Variants in MED27 observed in about 807,000 individuals in gnomAD.
The protein encoded by MED27 is mediator of RNA polymerase II transcription subunit 27.
MED27 carries 30 observed loss-of-function variants against 38.2 expected under a neutral mutation model. That is an observed-to-expected ratio of 0.79 (90% CI 0.59 to 1.07). The LOEUF is 1.07. Ranked by LOEUF, MED27 falls within the 50% of genes least tolerant of loss-of-function variation. The pLI, the probability that MED27 is intolerant of heterozygous loss-of-function variation, is 0.00. For synonymous variants in MED27, 122 were observed against 153.5 expected (o/e 0.79, Z 1.52); for missense variants, 289 against 397.5 (o/e 0.73, Z 2.32).
At chr9:131,994,538 G>A (rs929891818) in intron 3 of MED27, among the ~76,000 whole-genome samples, 1 of 152,234 alleles carries the variant, frequency 6.6e-6, no homozygotes, top group African/African-American at 2.4e-5. Flanking sequence ...GAATCCTGGA[G>A]GACTGCAGAC....
chr9:132,030,554 TACTAGAG>T, intron 2 of MED27, among the ~76,000 whole-genome samples: 1 of 152,330 alleles, frequency 6.6e-6, no homozygotes, highest in South Asian at 2.1e-4. Flanking sequence ...TTAGAAAGCA[TACTAGAG>T]ACCCAGAGAC....
intron 3 of MED27, among the ~76,000 whole-genome samples, chr9:131,943,159 T>C (rs1231614331): frequency 2.6e-5 from 4 of 152,160 alleles, no homozygotes; most frequent in African/African-American, 9.7e-5. Flanking sequence ...ACAGGTGACA[T>C]TATGTATTTG....
chr9:131,986,624 G>A (rs143745638), intron 3 of MED27, among the ~76,000 whole-genome samples: 102 of 152,274 alleles, frequency 6.7e-4, no homozygotes, highest in African/African-American at 2.4e-3. Flanking sequence ...TGTAGCCTAG[G>A]AGTAACAGGC....
At chr9:131,986,658 C>T (rs1325548467) in intron 3 of MED27, among the ~76,000 whole-genome samples, 1 of 152,114 alleles carries the variant, frequency 6.6e-6, no homozygotes, top group Admixed American at 6.5e-5. Flanking sequence ...CTAGGTGTGC[C>T]GTGGGTTCTA....
At chr9:132,065,020 T>G (rs1156845518) in intron 2 of MED27, among the ~76,000 whole-genome samples, 1 of 152,118 alleles carries the variant, frequency 6.6e-6, no homozygotes, top group African/African-American at 2.4e-5. Context: ...GAACAGCAAC[T>G]GGAATATAGA....
intron 2 of MED27, among the ~76,000 whole-genome samples, chr9:132,054,629 C>T (rs2131141492): frequency 6.6e-6 from 1 of 152,164 alleles, no homozygotes; most frequent in Admixed American, 6.5e-5. Flanking sequence ...TGCCAGGTCT[C>T]AAACTCCTGG....
At chr9:131,935,167 AG>A (rs1362347111) in intron 4 of MED27, among the ~76,000 whole-genome samples, 1 of 152,238 alleles carries the variant, frequency 6.6e-6, no homozygotes, top group Admixed American at 6.5e-5. Context: ...ATAGCACAAC[AG>A]GGTGACTACA....
chr9:132,022,966 T>G (rs1045731898), intron 2 of MED27, among the ~76,000 whole-genome samples: 1 of 151,986 alleles, frequency 6.6e-6, no homozygotes, highest in Non-Finnish European at 1.5e-5. Context: ...CAATTAGAGA[T>G]GAGATTTGGG....
At chr9:132,028,502 A>C (rs1832876434) in intron 2 of MED27, among the ~76,000 whole-genome samples, 1 of 149,516 alleles carries the variant, frequency 6.7e-6, no homozygotes, top group African/African-American at 2.4e-5. Context: ...TGAATGAACA[A>C]ATAAATTAAA....
chr9:132,054,233 C>T (rs756395429), intron 2 of MED27, among the ~76,000 whole-genome samples: 5 of 152,000 alleles, frequency 3.3e-5, no homozygotes, highest in African/African-American at 7.3e-5. Context: ...GCCATATTGA[C>T]GTCTCCTTTA....
At chr9:131,914,283 T>A (rs1194602600) in intron 4 of MED27, among the ~76,000 whole-genome samples, 1 of 152,194 alleles carries the variant, frequency 6.6e-6, no homozygotes, top group Non-Finnish European at 1.5e-5. Context: ...CATCCAGTAA[T>A]GGGAAGCCAT....
intron 6 of MED27, among the ~76,000 whole-genome samples, chr9:131,879,171 G>C (rs772052712): frequency 6.6e-6 from 1 of 152,236 alleles, no homozygotes; most frequent in Non-Finnish European, 1.5e-5. Flanking sequence ...ACGGGCCTGA[G>C]AGAATGTGAC....
At chr9:131,988,612 C>T (rs1407237197) in intron 3 of MED27, among the ~76,000 whole-genome samples, 1 of 152,226 alleles carries the variant, frequency 6.6e-6, no homozygotes, top group Admixed American at 6.5e-5. Flanking sequence ...ATATAACATA[C>T]AAAATATGTG....
intron 4 of MED27, 130 bp downstream of exon 4, chr9:131,939,251 A>G (rs1830739807): frequency 4.0e-6 from 2 of 496,894 alleles, no homozygotes; most frequent in Non-Finnish European, 6.8e-6. Flanking sequence ...CAGTAAAGAA[A>G]CTATGTTATT....
intron 6 of MED27, among the ~76,000 whole-genome samples, chr9:131,873,249 C>A (rs1838867583): frequency 6.6e-6 from 1 of 152,162 alleles, no homozygotes; most frequent in African/African-American, 2.4e-5. Context: ...TCCCTGCCAG[C>A]AGTGTTGCTC....
intron 3 of MED27, among the ~76,000 whole-genome samples, chr9:131,980,990 A>C (rs747781556): frequency 2.0e-5 from 3 of 152,190 alleles, no homozygotes; most frequent in Admixed American, 6.5e-5. Context: ...GCAAGGATTA[A>C]ACTCCAGGTT....
At chr9:132,068,075 C>T (rs780843753) in intron 2 of MED27, among the ~76,000 whole-genome samples, 15 of 151,988 alleles carry the variant, frequency 9.9e-5, no homozygotes, top group Admixed American at 2.0e-4. Context: ...TTCTTCCCCC[C>T]GCAAAAAGGG....
intron 3 of MED27, among the ~76,000 whole-genome samples, chr9:132,004,686 A>C (rs1180304977): frequency 6.6e-6 from 1 of 152,168 alleles, no homozygotes; most frequent in Non-Finnish European, 1.5e-5. Context: ...ACCCATAGGC[A>C]TTTCTGTCTG....
At chr9:131,979,408 A>G (rs1831681838) in intron 3 of MED27, among the ~76,000 whole-genome samples, 1 of 151,080 alleles carries the variant, frequency 6.6e-6, no homozygotes, top group Non-Finnish European at 1.5e-5. Flanking sequence ...GGAGCATATG[A>G]TAGATCTGAG....
Sources: allele counts gnomAD v4.1 joint callset (sites outside exome capture counted in the v4.1 genomes callset), GRCh38; gene constraint gnomAD v4.1.1; transcripts MANE v1.5; gene names NCBI Gene and HGNC (gene_info 2026-07-23, HGNC 2026-07-21).